ZFP64: variants seen among roughly 807,000 people sequenced by gnomAD.
ZFP64 encodes ZFP64 zinc finger protein.
Under a neutral mutation model 51.6 loss-of-function variants are expected in ZFP64, and 14 were observed. The observed-to-expected ratio is 0.27, with a 90% confidence interval of 0.18 to 0.42. The LOEUF (loss-of-function observed/expected upper bound fraction) is 0.42, where lower values mean the gene tolerates loss of function less well. Ranked by LOEUF, ZFP64 falls within the 10% of genes least tolerant of loss-of-function variation. ZFP64 has a pLI of 1.00. For missense variants in ZFP64, 754 were observed against 906.8 expected (o/e 0.83, Z 2.16); for synonymous variants, 375 against 361.4 (o/e 1.04, Z -0.43).
chr20:52,155,578 C>T (rs1033240777), intron 5 of ZFP64, among the ~76,000 whole-genome samples: 5 of 152,010 alleles, frequency 3.3e-5, no homozygotes, highest in African/African-American at 1.2e-4. Flanking sequence ...AACCAAATCT[C>T]GCAGCTAAGT....
intron 7 of ZFP64, among the ~76,000 whole-genome samples, chr20:52,096,558 T>C (rs1236733425): frequency 6.6e-6 from 1 of 152,180 alleles, no homozygotes. Context: ...GTACCACAGA[T>C]TAAGGGTTGG....
In ZFP64 at chr20:52,165,883, C is replaced by G. The variant is rs1354175446; in HGVS notation, c.429G>C (p.Arg143Ser). The G allele has an allele frequency of 1.5e-5, 24 of 1,613,942 alleles. No individual in the cohort carries two copies. Among genetic ancestry groups the G allele is most frequent in the African/African-American group, 4.0e-5 (3 of 74,920 alleles). ...KKPTTPPAQK[R>S]LNCCYPGCQF... ...CTTTACCTGGATAGCAACAGTTAAG[C>G]CTTTTCTGAGCAGGTGGTGTTGTGG... Residue 143 changes from arginine to serine, a missense_variant, in exon 3 of 6, where the codon AGG becomes AGC. Transcript: ENST00000216923.
At chr20:52,117,452 C>T (rs1471020507) in intron 5 of ZFP64, among the ~76,000 whole-genome samples, 3 of 152,090 alleles carry the variant, frequency 2.0e-5, no homozygotes, top group African/African-American at 7.2e-5. Flanking sequence ...AACCTTGTCT[C>T]TACTAAAAAC....
At chr20:52,163,044 C>T (rs1485537132) in intron 4 of ZFP64, among the ~76,000 whole-genome samples, 3 of 152,158 alleles carry the variant, frequency 2.0e-5, no homozygotes, top group African/African-American at 4.8e-5. Flanking sequence ...ACTTTTACAA[C>T]GCTTTCTCTA....
At chr20:52,163,107 T>C (rs1981962563) in intron 4 of ZFP64, among the ~76,000 whole-genome samples, 1 of 152,214 alleles carries the variant, frequency 6.6e-6, no homozygotes, top group South Asian at 2.1e-4. Context: ...ACGCTTGTAA[T>C]CCCAGCACTT....
intron 5 of ZFP64, among the ~76,000 whole-genome samples, chr20:52,132,082 T>G (rs1268270033): frequency 2.0e-5 from 3 of 152,102 alleles, no homozygotes; most frequent in Admixed American, 6.6e-5. Context: ...TTGGAAACTA[T>G]ACAAATACCT....
In ZFP64 at chr20:52,142,576, G is replaced by A. The variant is rs73618759; in HGVS notation, c.763+17547C>T. Among the ~76,000 whole-genome samples, 1,160 of 151,300 alleles carry A rather than the reference G, an allele frequency of 7.7e-3. 77 individuals carry two copies. The East Asian group carries it at 0.16, about 20-fold the overall frequency. ...CAAAAAAGAGGCCAAGTGCGGTGGC[G>A]CATGCCTGTAATCCCAGCACTTTGG... On this transcript the variant is annotated intron_variant, in intron 5 of 8. Coordinates refer to the ZFP64 transcript ENST00000361387.
At chr20:52,097,116 A>G in intron 7 of ZFP64, 1 of 755,918 alleles carries the variant, frequency 1.3e-6, no homozygotes, top group East Asian at 2.6e-5. Context: ...GCTGCCCTAA[A>G]AAAAAAAGCA....
In ZFP64 at chr20:52,085,010, C is replaced by G; in HGVS notation, c.1485G>C (p.Glu495Asp). Residue 495 changes from glutamate to aspartate, a missense_variant, in exon 9 of 9, where the codon GAG becomes GAC. Coordinates refer to the ZFP64 transcript ENST00000361387. The surrounding 1 kb of genome is among the most constrained non-coding windows in gnomAD (Gnocchi z 4.3). ...AGGAGTAGCTGCACTCTGGACACTT[C>G]TCCGGGTGGTCGGCCTGGTGCAGCC... is the stretch of plus-strand genomic sequence containing the variant. 6.2e-7 allele frequency: 1 copy of G among 1,614,126 alleles called. No individual in the cohort carries two copies. The highest frequency in any genetic ancestry group is 1.7e-4 in the Middle Eastern group (1 of 6,058).
intron 3 of ZFP64, 110 bp downstream of exon 3, chr20:52,165,754 G>T: frequency 7.0e-7 from 1 of 1,427,308 alleles, no homozygotes; most frequent in Non-Finnish European, 9.7e-7. Flanking sequence ...TTTATGCCAG[G>T]TAGTTTGGAA....
At chr20:52,185,467 C>T (rs1041528896) in intron 2 of ZFP64, among the ~76,000 whole-genome samples, 1 of 146,676 alleles carries the variant, frequency 6.8e-6, no homozygotes, top group Non-Finnish European at 1.5e-5. Flanking sequence ...TTTATATCCC[C>T]AGAAAATGAA....
intron 7 of ZFP64, among the ~76,000 whole-genome samples, chr20:52,096,100 C>T (rs2122741408): frequency 6.6e-6 from 1 of 152,350 alleles, no homozygotes; most frequent in South Asian, 2.1e-4. Flanking sequence ...CAGTGCCCAT[C>T]TTTCTGGACA....
chr20:52,091,101 G>A (rs79892266), intron 7 of ZFP64, among the ~76,000 whole-genome samples: 178 of 152,052 alleles, frequency 1.2e-3, no homozygotes, highest in African/African-American at 3.8e-3. Flanking sequence ...TCTATGAAAC[G>A]AAAAAACCAA....
At position 52,160,425 on chromosome 20, in the gene ZFP64, G is replaced by T. The variant is rs1568687122; in HGVS notation, c.512-51C>A. On this transcript the variant is annotated intron_variant, in intron 4 of 5. Coordinates refer to ENST00000216923, the MANE Select transcript of ZFP64 (RefSeq NM_018197.3). The surrounding 1 kb of genome is among the most constrained non-coding windows in gnomAD (Gnocchi z 4.2). ...GCAGCAGGAAACAAGATTAAAAAAGGAAAAGGCTTATTTCCCACTGCCTTA... is the reference window on the plus strand; with the variant it reads ...GCAGCAGGAAACAAGATTAAAAAAGTAAAAGGCTTATTTCCCACTGCCTTA... The T allele has an allele frequency of 1.1e-5, 17 of 1,548,502 alleles. No individual in the cohort carries two copies. Among genetic ancestry groups the T allele is most frequent in the Non-Finnish European group, 1.5e-5 (17 of 1,150,020 alleles).
At chr20:52,190,703 G>C (rs932753502) in intron 1 of ZFP64, among the ~76,000 whole-genome samples, 12 of 152,096 alleles carry the variant, frequency 7.9e-5, no homozygotes, top group Non-Finnish European at 1.3e-4. Flanking sequence ...TCACAGTAAT[G>C]CAAGGAATAC....
intron 5 of ZFP64, among the ~76,000 whole-genome samples, chr20:52,120,179 CT>C (rs549494363): frequency 6.0e-4 from 92 of 152,300 alleles, no homozygotes; most frequent in African/African-American, 2.1e-3. Context: ...GACACCGAAT[CT>C]GCCAGTGCCT....
At chr20:52,186,082 C>T (rs939607707) in intron 2 of ZFP64, among the ~76,000 whole-genome samples, 2 of 152,174 alleles carry the variant, frequency 1.3e-5, no homozygotes, top group Non-Finnish European at 2.9e-5. Context: ...CACAACCTGC[C>T]TCCTTTGGTA....
intron 2 of ZFP64, among the ~76,000 whole-genome samples, chr20:52,172,331 G>T (rs766134937): frequency 5.3e-5 from 8 of 151,876 alleles, no homozygotes; most frequent in Non-Finnish European, 8.8e-5. Flanking sequence ...TTCTTTTGTC[G>T]GTAAAATGGG....
rs946492114 is a variant in ZFP64, at chr20:52,191,401, C to G, written c.46+190G>C. ...CCGGTCTTGCGCCAGGTCGGGTGCGCCCCCACCCCAAGCCCACTCCGGCGC... is the reference window on the plus strand; with the variant it reads ...CCGGTCTTGCGCCAGGTCGGGTGCGGCCCCACCCCAAGCCCACTCCGGCGC... On this transcript the variant is annotated intron_variant, in intron 1 of 5. Transcript: ENST00000216923. The surrounding 1 kb of genome is among the most constrained non-coding windows in gnomAD (Gnocchi z 4.3). 2.6e-5 allele frequency among the ~76,000 whole-genome samples: 4 copies of G among 152,098 alleles called. No individual in the cohort carries two copies. The highest frequency in any genetic ancestry group is 1.3e-4 in the Admixed American group (2 of 15,290).
Sources: allele counts gnomAD v4.1 joint callset (sites outside exome capture counted in the v4.1 genomes callset), GRCh38; gene constraint gnomAD v4.1.1; non-coding constraint Gnocchi (gnomAD v3.1); transcripts MANE v1.5; gene names NCBI Gene and HGNC (gene_info 2026-07-23, HGNC 2026-07-21).